Variants in F8 observed in about 807,000 individuals in gnomAD.
F8 encodes coagulation factor VIII, also known as antihemophilic factor.
A neutral mutation model predicts 140.6 loss-of-function variants in F8; 12 were observed. The observed-to-expected ratio is 0.09, with a 90% CI of 0.05 to 0.14. F8 has a LOEUF of 0.14. Ranked by LOEUF, F8 falls within the 10% of genes least tolerant of loss-of-function variation. The pLI, the probability that F8 is intolerant of heterozygous loss-of-function variation, is 1.00. For missense variants in F8, 1,354 were observed against 1,720.7 expected, an observed-to-expected ratio of 0.79 and a Z score of 3.77; for synonymous variants, 585 against 614.6, an observed-to-expected ratio of 0.95 and a Z score of 0.71.
At chrX:154,860,328 C>A (rs1175922902) in intron 25 of F8, 104 bp downstream of exon 25, 11 of 829,664 alleles carry the variant, frequency 1.3e-5, no homozygotes, top group Non-Finnish European at 2.0e-5. Flanking sequence ...ATAAATTTTG[C>A]TCTGAAAATT....
At chrX:154,846,461 G>A (rs1474513134) in intron 25 of F8, among the ~76,000 whole-genome samples, 2 of 111,719 alleles carry the variant, frequency 1.8e-5, no homozygotes, top group Admixed American at 1.9e-4. Flanking sequence ...ATGAATCTGG[G>A]TGCTCCTGTA....
At position 154,961,393 on chromosome X, in the gene F8, T is replaced by C. The variant is rs781885496; in HGVS notation, c.1444-225A>G. Among the ~76,000 whole-genome samples, 5 of 111,752 alleles carry C rather than the reference T, an allele frequency of 4.5e-5. No homozygotes were observed. The East Asian group carries it at 1.4e-3, about 31-fold the overall frequency. On this transcript the variant is annotated intron_variant, in intron 9 of 25. Transcript: ENST00000360256. ...GATACCACAATCTGTGATGCTCAAG[T>C]CTCTTACTCAAAATGATGTAGTATT... is the stretch of plus-strand genomic sequence containing the variant.
chrX:154,875,140 G>A (rs1046558658), intron 22 of F8, among the ~76,000 whole-genome samples: 22 of 111,847 alleles, frequency 2.0e-4, no homozygotes, highest in Non-Finnish European at 3.2e-4. Context: ...AATACTTCAT[G>A]ACCTCATATG....
chrX:154,845,328 C>T (rs1488901525), intron 25 of F8, among the ~76,000 whole-genome samples: 2 of 111,871 alleles, frequency 1.8e-5, no homozygotes, highest in South Asian at 3.7e-4. Flanking sequence ...GGGAGGATTC[C>T]ATCTTTTTCT....
chrX:154,971,023 A>C (rs1483299108), intron 6 of F8, among the ~76,000 whole-genome samples: 2 of 111,376 alleles, frequency 1.8e-5, no homozygotes, highest in East Asian at 5.6e-4. Flanking sequence ...AGGAGAAAAC[A>C]TCCCCCTCAT....
intron 1 of F8, among the ~76,000 whole-genome samples, chrX:155,021,183 C>T (rs1557287489): frequency 9.0e-6 from 1 of 111,313 alleles, no homozygotes. Context: ...TATAATGTCC[C>T]AATTTTATAA....
At chrX:155,015,087 G>A (rs1276804445) in intron 1 of F8, among the ~76,000 whole-genome samples, 3 of 111,933 alleles carry the variant, frequency 2.7e-5, no homozygotes, top group Non-Finnish European at 3.8e-5. Context: ...CACATCTATG[G>A]AACTAGAGAA....
rs193028861 is a variant in F8, at chrX:154,966,026, G to A, written c.1387C>T (p.His463Tyr). The A allele has an allele frequency of 6.1e-5, 74 of 1,209,268 alleles. No individual in the cohort carries two copies. In the East Asian group the frequency reaches 2.2e-3, roughly 35 times the overall value. Residue 463 changes from histidine (H) to tyrosine (Y), a missense_variant, in exon 9 of 26, where the codon CAT (histidine) becomes TAT (tyrosine). Coordinates refer to ENST00000360256, the MANE Select transcript of F8 (RefSeq NM_000132.4). ...ETFKTREAIQHESGILGPLLY... is the reference protein window; with the variant it reads ...ETFKTREAIQYESGILGPLLY... ...AAAGGTCCCAAGATTCCTGATTCAT[G>A]CTGAATAGCTTCACGAGTCTTAAAG...
At chrX:154,849,691 T>C (rs1309493849) in intron 25 of F8, among the ~76,000 whole-genome samples, 1 of 111,565 alleles carries the variant, frequency 9.0e-6, no homozygotes, top group Non-Finnish European at 1.9e-5. Context: ...AATTTAAATA[T>C]ACCATCTTAT....
At chrX:154,895,445 G>T (rs1458336889) in intron 22 of F8, among the ~76,000 whole-genome samples, 1 of 112,028 alleles carries the variant, frequency 8.9e-6, no homozygotes, top group African/African-American at 3.2e-5. Context: ...AGAAACGGGG[G>T]AAGACTAGTT....
intron 25 of F8, among the ~76,000 whole-genome samples, chrX:154,850,588 C>A (rs1489610875): frequency 2.8e-5 from 3 of 108,633 alleles, no homozygotes; most frequent in African/African-American, 1.0e-4. Context: ...CAAGTGCACA[C>A]TACCACACCT....
intron 5 of F8, among the ~76,000 whole-genome samples, chrX:154,986,990 C>G (rs940243144): frequency 9.0e-6 from 1 of 111,500 alleles, no homozygotes; most frequent in East Asian, 2.8e-4. Flanking sequence ...AAGTAGAGCC[C>G]AAAGTATTTG....
chrX:154,977,478 T>G (rs1439382343), intron 6 of F8: 5 of 109,842 alleles, frequency 4.6e-5, no homozygotes, highest in Admixed American at 9.7e-5. Flanking sequence ...ATTTCCTCAG[T>G]TTTTTTTTGT....
At position 154,997,112 on chromosome X, in the gene F8, T is replaced by G; in HGVS notation, c.266-17A>C. 1 of 1,211,104 alleles carries G rather than the reference T, an allele frequency of 8.3e-7. No homozygotes were observed. Among genetic ancestry groups the G allele is most frequent in the Non-Finnish European group, 1.1e-6 (1 of 894,910 alleles). ...CTAGCAGACCTGTAAGAATGAGATG[T>G]CCGCCAAAGGTTACTTGGGGATAGT... On this transcript the variant is annotated splice_polypyrimidine_tract_variant and intron_variant, in intron 2 of 25. Transcript: ENST00000360256.
At chrX:154,922,963 G>A (rs1398198911) in intron 14 of F8, among the ~76,000 whole-genome samples, 1 of 111,454 alleles carries the variant, frequency 9.0e-6, no homozygotes. Flanking sequence ...GCAATGTTGG[G>A]AAAAGACTAT....
In F8 at chrX:154,836,168, T is replaced by C. The variant is rs868961701; in HGVS notation, c.*1429A>G. The C allele has an allele frequency of 2.7e-5, 3 of 112,134 alleles. No homozygotes were observed. The highest frequency in any genetic ancestry group is 9.2e-3 in the Middle Eastern group (2 of 217). The allele number at this position is 112,134 out of a possible 1,213,427, so 9.2% of individuals were successfully genotyped here. A position where few individuals can be genotyped will look rare whatever the true frequency, so the allele number is the denominator to read the frequency against. ...AGGATTATTAGAAAATACTCCAGCA[T>C]AGAAAAAAGTAGCCATTCTTTTGCC... On this transcript the variant is annotated 3_prime_UTR_variant, in exon 26 of 26. Coordinates refer to ENST00000360256, the MANE Select transcript of F8 (RefSeq NM_000132.4).
At chrX:154,939,926 A>G (rs1299449526) in intron 13 of F8, among the ~76,000 whole-genome samples, 1 of 112,384 alleles carries the variant, frequency 8.9e-6, no homozygotes, top group Admixed American at 9.4e-5. Context: ...GACCTCCAGC[A>G]AACTCCAACA....
chrX:154,998,686 T>C (rs1401156878), intron 2 of F8, among the ~76,000 whole-genome samples: 4 of 112,022 alleles, frequency 3.6e-5, no homozygotes, highest in Non-Finnish European at 5.6e-5. Flanking sequence ...TATCTAATCC[T>C]GGCAGGAAGA....
intron 2 of F8, among the ~76,000 whole-genome samples, chrX:154,998,417 G>A (rs1557285301): frequency 8.9e-6 from 1 of 112,953 alleles, no homozygotes; most frequent in Admixed American, 9.3e-5. Context: ...AAACAAATAG[G>A]CACAATGACA....
Sources: allele counts gnomAD v4.1 joint callset (sites outside exome capture counted in the v4.1 genomes callset), GRCh38; gene constraint gnomAD v4.1.1; transcripts MANE v1.5; gene names NCBI Gene and HGNC (gene_info 2026-07-23, HGNC 2026-07-21).